The following ZNRF3 variants were observed in gnomAD, a reference collection of about 807,000 sequenced individuals.
ZNRF3 encodes the protein E3 ubiquitin-protein ligase ZNRF3.
ZNRF3 carries 23 observed loss-of-function variants against 72.5 expected under a neutral mutation model. The observed-to-expected ratio is 0.32, with a 90% confidence interval of 0.23 to 0.45. The LOEUF is 0.45. ZNRF3 is among the 20% of genes least tolerant of loss of function. The probability of loss-of-function intolerance (pLI) is 1.00; values close to 1 mark genes in which losing one functional copy is unlikely to be tolerated. For missense variants in ZNRF3, 1,169 were observed against 1,272.1 expected, an observed-to-expected ratio of 0.92 and a Z score of 1.23; for synonymous variants, 610 against 545.3, an observed-to-expected ratio of 1.12 and a Z score of -1.65.
rs781216220 is a variant in ZNRF3, at chr22:29,049,670, C to T, written c.1489C>T (p.Arg497Cys). 8 of 1,608,926 alleles carry T rather than the reference C, an allele frequency of 5.0e-6. No homozygotes were observed. The highest frequency in any genetic ancestry group is 2.2e-5 in the East Asian group (1 of 44,844). Residue 497 changes from arginine (R) to cysteine (C), a missense_variant, in exon 8 of 9, where the codon CGT (arginine) becomes TGT (cysteine). Arg to Cys is a radical substitution (Grantham distance 180, BLOSUM62 -3). This residue lies in a region of ZNRF3 where 783 missense variants were observed against 731.4 expected (regional missense o/e 1.07). Transcript: ENST00000544604. This position sits in a 1 kb window ranked among gnomAD's most constrained non-coding sequence, Gnocchi z 5.2. ...PPSLAPRGPA[R>C]AFPPSGSGSL... ...TAGCCTCGCACCCCGGGGCCCGGCC[C>T]GTGCCTTTCCTCCGAGCGGCAGTGG... is the stretch of plus-strand genomic sequence containing the variant.
chr22:29,008,766 A>G (rs988700825), intron 2 of ZNRF3, among the ~76,000 whole-genome samples: 1 of 152,240 alleles, frequency 6.6e-6, no homozygotes, highest in Non-Finnish European at 1.5e-5. Context: ...AGCTTTAACC[A>G]GAAGGACTAA....
At chr22:28,937,228 TTTTTTTTTTTA>T (rs1569252870) in intron 1 of ZNRF3, among the ~76,000 whole-genome samples, 1 of 89,916 alleles carries the variant, frequency 1.1e-5, no homozygotes, top group Non-Finnish European at 2.5e-5. Context: ...TTTTTTTTTT[TTTTTTTTTTTA>T]ACAAAAGGAA....
chr22:28,912,918 G>T (rs775317534), intron 1 of ZNRF3, among the ~76,000 whole-genome samples: 3 of 151,364 alleles, frequency 2.0e-5, no homozygotes, highest in Non-Finnish European at 4.4e-5. Context: ...CACCCATCTC[G>T]GCCTCCCAAA....
chr22:28,919,747 T>C (rs542324869), intron 1 of ZNRF3, among the ~76,000 whole-genome samples: 148 of 152,166 alleles, frequency 9.7e-4, no homozygotes, highest in African/African-American at 3.4e-3. Context: ...CCTCAGGTGA[T>C]TCGCTTGCCT....
At chr22:28,910,077 C>T (rs2034288838) in intron 1 of ZNRF3, among the ~76,000 whole-genome samples, 1 of 151,616 alleles carries the variant, frequency 6.6e-6, no homozygotes, top group Non-Finnish European at 1.5e-5. Flanking sequence ...CTCTTGTTGC[C>T]CAGGCTGAGA....
intron 1 of ZNRF3, among the ~76,000 whole-genome samples, chr22:28,930,182 A>G (rs953827489): frequency 1.3e-5 from 2 of 152,028 alleles, no homozygotes; most frequent in Non-Finnish European, 2.9e-5. Context: ...ATTTGCCTTC[A>G]TTTAGTCTTT....
intron 2 of ZNRF3, among the ~76,000 whole-genome samples, chr22:29,035,249 C>T (rs2036846189): frequency 6.6e-6 from 1 of 152,104 alleles, no homozygotes; most frequent in African/African-American, 2.4e-5. Flanking sequence ...CAAGCGAGGC[C>T]TTTATGTATA....
chr22:29,004,765 C>T (rs1039928010), intron 2 of ZNRF3, among the ~76,000 whole-genome samples: 1 of 152,186 alleles, frequency 6.6e-6, no homozygotes, highest in Non-Finnish European at 1.5e-5. Flanking sequence ...GCTGCAGTGG[C>T]GGCTCCTTTG....
At chr22:28,958,216 T>C (rs2035294750) in intron 1 of ZNRF3, among the ~76,000 whole-genome samples, 2 of 152,280 alleles carry the variant, frequency 1.3e-5, no homozygotes, top group East Asian at 3.9e-4. Context: ...TTCTCTTCTG[T>C]CCACTTGTTA....
At chr22:28,986,995 T>C (rs967288109) in intron 1 of ZNRF3, 81 bp from the exon 2 acceptor site, 66 of 1,511,040 alleles carry the variant, frequency 4.4e-5, no homozygotes, top group Middle Eastern at 1.8e-4. Flanking sequence ...CTTTTGGCTA[T>C]AGCATCTGAG....
chr22:28,995,549 T>C (rs2036032547), intron 2 of ZNRF3, among the ~76,000 whole-genome samples: 1 of 152,138 alleles, frequency 6.6e-6, no homozygotes, highest in African/African-American at 2.4e-5. Context: ...TCAGGAAGAA[T>C]CCAGGAAGGG....
intron 1 of ZNRF3, among the ~76,000 whole-genome samples, chr22:28,935,386 CGTT>C (rs1356926972): frequency 2.0e-5 from 3 of 152,204 alleles, no homozygotes; most frequent in African/African-American, 7.2e-5. Flanking sequence ...GAAGCCTACT[CGTT>C]GTCAGGTTTC....
chr22:29,031,427 C>T, intron 2 of ZNRF3: 1 of 205,378 alleles, frequency 4.9e-6, no homozygotes, highest in Non-Finnish European at 8.6e-6. Context: ...GACCTCATTT[C>T]CTATGGAATG....
chr22:28,994,176 CTTTTTTTTTTTTTTTTT>C (rs57329565), intron 2 of ZNRF3, among the ~76,000 whole-genome samples: 1 of 39,790 alleles, frequency 2.5e-5, no homozygotes, highest in African/African-American at 1.1e-4. Flanking sequence ...CAGTTCCTTT[CTTTTTTTTTTTTTTTTT>C]TTTTTTTTTT....
Position 29,049,923 on chromosome 22 carries a change from G to A in ZNRF3, c.1742G>A (p.Gly581Glu). The change falls in exon 8 of 9, where the codon GGG becomes GAG. Residue 581 changes from glycine to glutamate, a missense_variant. Gly to Glu is a moderately conservative substitution (Grantham distance 98). Around this residue, in one of 2 missense-constraint regions of ZNRF3, gnomAD observed 783 missense variants for 731.4 expected, o/e 1.07. Transcript: ENST00000544604. The surrounding 1 kb of genome is among the most constrained non-coding windows in gnomAD (Gnocchi z 5.2). ...CTEVSNQGVY[G>E]SCSTFRSSLS... ...GAGGTCAGCAACCAGGGCGTGTACG[G>A]GAGCTGCTCCACCTTCCGCAGCTCC... 6.2e-7 allele frequency: 1 copy of A among 1,608,050 alleles called. No homozygotes were observed. Among genetic ancestry groups the A allele is most frequent in the South Asian group, 1.1e-5 (1 of 90,358 alleles).
intron 1 of ZNRF3, among the ~76,000 whole-genome samples, chr22:28,972,785 G>A (rs1319798689): frequency 6.6e-6 from 1 of 152,156 alleles, no homozygotes; most frequent in Non-Finnish European, 1.5e-5. Context: ...ATGACATGAT[G>A]TCTCATTATG....
intron 2 of ZNRF3, among the ~76,000 whole-genome samples, chr22:29,028,021 T>A (rs1266134572): frequency 2.0e-5 from 3 of 152,178 alleles, no homozygotes; most frequent in Non-Finnish European, 4.4e-5. Context: ...TTATAAATGA[T>A]TTTGGTTTAA....
At chr22:28,893,004 A>AAGATAC in intron 1 of ZNRF3, among the ~76,000 whole-genome samples, 1 of 151,944 alleles carries the variant, frequency 6.6e-6, no homozygotes, top group Non-Finnish European at 1.5e-5. Flanking sequence ...CGTCTCTACT[A>AAGATAC]AAGATACAAA....
intron 1 of ZNRF3, among the ~76,000 whole-genome samples, chr22:28,899,714 C>T (rs1253498362): frequency 1.5e-5 from 2 of 131,072 alleles, no homozygotes; most frequent in African/African-American, 2.8e-5. Flanking sequence ...TTTTTTAAGA[C>T]AGTCTCATTC....
Sources: gnomAD v4.1 joint callset for allele counts (sites outside exome capture counted in the v4.1 genomes callset) on GRCh38, gnomAD v4.1.1 for gene constraint, gnomAD v4.1.1 regional missense constraint, Gnocchi (gnomAD v3.1) non-coding constraint, MANE v1.5 for transcripts, NCBI Gene and HGNC (gene_info 2026-07-23, HGNC 2026-07-21) for gene names.